The following GPSM2 variants were observed in gnomAD, a reference collection of about 807,000 sequenced individuals.
GPSM2 encodes the protein G protein-signaling modulator 2.
A neutral mutation model predicts 78.4 loss-of-function variants in GPSM2; 58 were observed. That is an observed-to-expected ratio of 0.74 (90% CI 0.60 to 0.92). The LOEUF (loss-of-function observed/expected upper bound fraction) is 0.92, where lower values mean the gene tolerates loss of function less well. Among genes scored for constraint, GPSM2 ranks in the 40% least tolerant of loss-of-function variants. The probability of loss-of-function intolerance (pLI) is 0.00; values close to 1 mark genes in which losing one functional copy is unlikely to be tolerated. For missense variants in GPSM2, 700 were observed against 815.5 expected, an observed-to-expected ratio of 0.86 and a Z score of 1.73; for synonymous variants, 224 against 280.2, an observed-to-expected ratio of 0.80 and a Z score of 2.00.
chr1:108,913,822 A>C (rs1649964968), intron 10 of GPSM2, among the ~76,000 whole-genome samples: 2 of 152,180 alleles, frequency 1.3e-5, no homozygotes, highest in African/African-American at 4.8e-5. Context: ...TTATTGAAAA[A>C]AGTTTAAGGA....
At position 108,934,527 on chromosome 1, in the gene GPSM2, G is replaced by A. The variant is rs1652564306; in HGVS notation, c.*4587G>A. The A allele has an allele frequency of 2.2e-6, 2 of 898,322 alleles. No individual in the cohort carries two copies. Among genetic ancestry groups the A allele is most frequent in the Non-Finnish European group, 3.3e-6 (2 of 608,836 alleles). 55.6% of individuals were successfully genotyped at this position (898,322 alleles called of 1,614,324 possible). A position where few individuals can be genotyped will look rare whatever the true frequency, so the allele number is the denominator to read the frequency against. On this transcript the variant is annotated 3_prime_UTR_variant, in exon 15 of 15. Coordinates refer to ENST00000264126, the MANE Select transcript of GPSM2 (RefSeq NM_013296.5). Reference sequence around the variant, plus strand: ...GTTAATTCTAATTGTCAGTAAAAATGTGAATGTTGAAGTTGAAATGTGAAT... The same window carrying A: ...GTTAATTCTAATTGTCAGTAAAAATATGAATGTTGAAGTTGAAATGTGAAT...
chr1:108,881,260 C>T (rs535656644), intron 1 of GPSM2, among the ~76,000 whole-genome samples: 1 of 152,260 alleles, frequency 6.6e-6, no homozygotes, highest in African/African-American at 2.4e-5. Context: ...TTGGAAGATG[C>T]TATTAAGAGA....
At chr1:108,878,455 A>C (rs12047639) in intron 1 of GPSM2, among the ~76,000 whole-genome samples, 15,718 of 152,218 alleles carry the variant, frequency 0.1, 845 homozygotes, top group African/African-American at 0.13. Flanking sequence ...TAAGCAGTTT[A>C]ATTGTATTTT....
chr1:108,883,536 A>AC (rs1369082758), intron 1 of GPSM2, among the ~76,000 whole-genome samples: 1 of 152,138 alleles, frequency 6.6e-6, no homozygotes, highest in Non-Finnish European at 1.5e-5. Flanking sequence ...GGACTAACTG[A>AC]CCTCTAGGAT....
chr1:108,882,135 A>G (rs1264472547), intron 1 of GPSM2, among the ~76,000 whole-genome samples: 1 of 152,142 alleles, frequency 6.6e-6, no homozygotes, highest in Non-Finnish European at 1.5e-5. Flanking sequence ...AATTTTTTGT[A>G]GAAACGGGGT....
Position 108,896,931 on chromosome 1 carries a change from G to A in GPSM2, c.124G>A (p.Ala42Thr), listed in dbSNP as rs780911321. 17 of 1,614,014 alleles carry A rather than the reference G, an allele frequency of 1.1e-5. No homozygotes were observed. Among genetic ancestry groups the A allele is most frequent in the East Asian group, 4.5e-5 (2 of 44,896 alleles). Residue 42 changes from alanine to threonine, a missense_variant, in exon 3 of 15, where the codon GCT (alanine) becomes ACT (threonine). Transcript: ENST00000264126. ...ERLCKSGDCRAGVSFFEAAVQ... is the reference protein window; with the variant it reads ...ERLCKSGDCRTGVSFFEAAVQ... ...TCTATGTAAATCAGGAGACTGCCGC[G>A]CTGGCGTGTCATTCTTTGAAGCTGC... is the stretch of plus-strand genomic sequence containing the variant.
chr1:108,926,051 T>C lies in GPSM2; in HGVS notation c.1815+1837T>C, dbSNP rs141807646. Among the ~76,000 whole-genome samples, 1,297 of 152,166 alleles carry C rather than the reference T, an allele frequency of 8.5e-3. 12 individuals are homozygous for C. Among genetic ancestry groups the C allele is most frequent in the Middle Eastern group, 0.014 (4 of 294 alleles). ...AGAAAGAAGTAGTCATCAGTTAAGATTGGAGTTGGGGAGCACTATAAATTT... is the reference window on the plus strand; with the variant it reads ...AGAAAGAAGTAGTCATCAGTTAAGACTGGAGTTGGGGAGCACTATAAATTT... On this transcript the variant is annotated intron_variant, in intron 14 of 14. Transcript: ENST00000264126.
rs1217145255 is a variant in GPSM2 at position 108,932,581 on chromosome 1, A to C, written c.*2641A>C. On this transcript the variant is annotated 3_prime_UTR_variant, in exon 15 of 15. Coordinates refer to ENST00000264126, the MANE Select transcript of GPSM2 (RefSeq NM_013296.5). The stretch of plus-strand genomic sequence containing the variant: ...TTGGTTTTGGATTAAAAGGCATGCA[A>C]GCAGCATTAATTCCACTCACAGTTA... The C allele has an allele frequency of 6.6e-6, 1 of 152,208 alleles. No individual in the cohort carries two copies. Among genetic ancestry groups the C allele is most frequent in the South Asian group, 2.1e-4 (1 of 4,832 alleles). 9.4% of individuals were successfully genotyped at this position (152,208 alleles called of 1,614,324 possible). A position where few individuals can be genotyped will look rare whatever the true frequency, so the allele number is the denominator to read the frequency against.
chr1:108,914,289 ACT>A, intron 10 of GPSM2, 47 bp from the exon 11 acceptor site: 1 of 1,217,492 alleles, frequency 8.2e-7, no homozygotes, highest in Non-Finnish European at 1.2e-6. Flanking sequence ...CTGAACTTGT[ACT>A]CTTAAGGGCT....
At chr1:108,895,199 A>G (rs1395686519) in intron 2 of GPSM2, among the ~76,000 whole-genome samples, 1 of 152,220 alleles carries the variant, frequency 6.6e-6, no homozygotes, top group Non-Finnish European at 1.5e-5. Context: ...AAAGTGCTCC[A>G]GGTGAGCTCT....
At chr1:108,884,443 A>C (rs1054405607) in intron 1 of GPSM2, among the ~76,000 whole-genome samples, 4 of 152,338 alleles carry the variant, frequency 2.6e-5, no homozygotes, top group African/African-American at 9.6e-5. Flanking sequence ...ATACAATGGA[A>C]TATACATGCA....
At chr1:108,895,491 G>C (rs1648285036) in intron 2 of GPSM2, among the ~76,000 whole-genome samples, 1 of 152,176 alleles carries the variant, frequency 6.6e-6, no homozygotes, top group Non-Finnish European at 1.5e-5. Flanking sequence ...GTAAGCTGCA[G>C]GTGGGCAGGA....
chr1:108,882,462 A>G (rs1490600869), intron 1 of GPSM2: 1 of 152,234 alleles, frequency 6.6e-6, no homozygotes, highest in East Asian at 1.9e-4. Flanking sequence ...TAGTTGTTAT[A>G]TGGTATTGTT....
intron 4 of GPSM2, 99 bp from the exon 5 acceptor site, chr1:108,897,860 T>A: frequency 8.0e-7 from 1 of 1,256,198 alleles, no homozygotes; most frequent in Non-Finnish European, 1.1e-6. Flanking sequence ...AATATAAAAA[T>A]TTTTTTCCCT....
At position 108,901,896 on chromosome 1, in the gene GPSM2, A is replaced by G. The variant is rs201631149; in HGVS notation, c.904A>G (p.Ile302Val). Reference sequence around the variant, plus strand: ...TTTACTTCAAGACTATGAAAAGGCCATTGATTATCATCTGAAGCACTTAGC... The same window carrying G: ...TTTACTTCAAGACTATGAAAAGGCCGTTGATTATCATCTGAAGCACTTAGC... ...YTLLQDYEKA[I>V]DYHLKHLAIA... The change falls in exon 8 of 15, where the codon ATT (isoleucine) becomes GTT (valine). Residue 302 changes from isoleucine to valine, a missense_variant. Coordinates refer to ENST00000264126, the MANE Select transcript of GPSM2 (RefSeq NM_013296.5). 8.1e-6 allele frequency: 13 copies of G among 1,611,276 alleles called. No individual in the cohort carries two copies. The Admixed American group carries it at 1.7e-4, about 21-fold the overall frequency.
intron 7 of GPSM2, among the ~76,000 whole-genome samples, chr1:108,900,939 A>C (rs1405385167): frequency 6.6e-6 from 1 of 152,238 alleles, no homozygotes; most frequent in African/African-American, 2.4e-5. Context: ...TGACAGAAAT[A>C]ATGGGAGGGT....
rs1383454825 is a variant in GPSM2 at position 108,904,346 on chromosome 1, A to G, written c.1192+92A>G. ...CAAATTTGGCATATTCAGAGAGAAT[A>G]TATAACATGGGAAGTTCAACTTATT... On this transcript the variant is annotated intron_variant, in intron 10 of 14. Transcript: ENST00000264126. 7.6e-5 allele frequency: 57 copies of G among 748,252 alleles called. No individual in the cohort carries two copies. The Admixed American group carries it at 1.2e-3, about 15-fold the overall frequency. 46.4% of individuals were successfully genotyped at this position (748,252 alleles called of 1,614,324 possible). A position where few individuals can be genotyped will look rare whatever the true frequency, so the allele number is the denominator to read the frequency against.
chr1:108,912,877 T>C (rs1421078465), intron 10 of GPSM2, among the ~76,000 whole-genome samples: 33 of 109,890 alleles, frequency 3.0e-4, no homozygotes, highest in African/African-American at 1.2e-3. Context: ...AAACCCTGTC[T>C]CTACTTTAAA....
intron 10 of GPSM2, among the ~76,000 whole-genome samples, chr1:108,911,125 CT>C (rs1281137455): frequency 6.6e-6 from 1 of 151,958 alleles, no homozygotes; most frequent in East Asian, 1.9e-4. Context: ...TATAATAAAC[CT>C]GAAAGTAAAA....
Sources: gnomAD v4.1 joint callset for allele counts (sites outside exome capture counted in the v4.1 genomes callset) on GRCh38, gnomAD v4.1.1 for gene constraint, MANE v1.5 for transcripts, NCBI Gene and HGNC (gene_info 2026-07-23, HGNC 2026-07-21) for gene names.